Variants in UBASH3B observed in about 807,000 individuals in gnomAD.
The protein encoded by UBASH3B is ubiquitin-associated and SH3 domain-containing protein B.
Under a neutral mutation model 83.4 loss-of-function variants are expected in UBASH3B, and 37 were observed. The ratio of observed to expected loss-of-function variants is 0.44; its 90% CI spans 0.34 to 0.58. The LOEUF is 0.58. UBASH3B is among the 20% of genes least tolerant of loss of function. UBASH3B has a pLI of 0.01. For synonymous variants in UBASH3B, 304 were observed against 318.3 expected (o/e 0.96, Z 0.48); for missense variants, 657 against 827.2 (o/e 0.79, Z 2.52).
Position 122,806,420 on chromosome 11 carries a change from C to G in UBASH3B, c.1606C>G (p.Pro536Ala). Residue 536 changes from proline to alanine, a missense_variant, in exon 12 of 14, where the codon CCA becomes GCA. By Grantham distance (27) the Pro-to-Ala change is conservative. Coordinates refer to ENST00000284273, the MANE Select transcript of UBASH3B (RefSeq NM_032873.5). This position sits in a 1 kb window ranked among gnomAD's most constrained non-coding sequence, Gnocchi z 4.0. Reference protein sequence around the residue: ...SVDTTYRPHIPISKLVVSESY... With the variant: ...SVDTTYRPHIAISKLVVSESY... ...ATTTTTCTATTACAGACCTCACATT[C>G]CAATCAGCAAATTAGTTGTTTCAGA... is the stretch of plus-strand genomic sequence containing the variant. The G allele has an allele frequency of 1.2e-6, 2 of 1,600,894 alleles. No homozygotes were observed. The highest frequency in any genetic ancestry group is 1.7e-6 in the Non-Finnish European group (2 of 1,176,076).
At chr11:122,681,340 T>C (rs1863735706) in intron 1 of UBASH3B, among the ~76,000 whole-genome samples, 1 of 152,226 alleles carries the variant, frequency 6.6e-6, no homozygotes, top group Admixed American at 6.5e-5. Flanking sequence ...TATTTCTTCT[T>C]GTTCTAGCCA....
At chr11:122,712,870 G>A (rs945917206) in intron 1 of UBASH3B, among the ~76,000 whole-genome samples, 1 of 145,012 alleles carries the variant, frequency 6.9e-6, no homozygotes. Flanking sequence ...GAAGCTGACT[G>A]GACATTCATC....
chr11:122,705,327 T>C (rs1864102670), intron 1 of UBASH3B, among the ~76,000 whole-genome samples: 1 of 151,816 alleles, frequency 6.6e-6, no homozygotes, highest in South Asian at 2.1e-4. Context: ...GTGCCTGTAA[T>C]CCCAGCTACT....
intron 1 of UBASH3B, among the ~76,000 whole-genome samples, chr11:122,733,031 A>AGAGCAAGGGTCTCC (rs1159714072): frequency 7.2e-5 from 11 of 152,352 alleles, no homozygotes; most frequent in African/African-American, 2.6e-4. Flanking sequence ...TTGGGATAGC[A>AGAGCAAGGGTCTCC]GAGCAAGGGT....
intron 1 of UBASH3B, among the ~76,000 whole-genome samples, chr11:122,766,475 G>GCGGAGCTTGCAGTGAGC (rs1449124836): frequency 6.6e-6 from 1 of 152,232 alleles, no homozygotes; most frequent in Non-Finnish European, 1.5e-5. Context: ...AACCCGGGAG[G>GCGGAGCTTGCAGTGAGC]CGGAGCTTGC....
chr11:122,710,722 G>A (rs1164162996), intron 1 of UBASH3B, among the ~76,000 whole-genome samples: 1 of 152,100 alleles, frequency 6.6e-6, no homozygotes, highest in African/African-American at 2.4e-5. Flanking sequence ...GGAGAATTGG[G>A]GAGGGGGACG....
Position 122,813,253 on chromosome 11 carries a change from C to T in UBASH3B, c.*3367C>T, listed in dbSNP as rs912841919. On this transcript the variant is annotated 3_prime_UTR_variant, in exon 14 of 14. Transcript: ENST00000284273. ...AAGTGTGTCTTTTCCACTCAACTAG[C>T]TGTATTCGTATTAAAATGAAGTCTC... is the stretch of plus-strand genomic sequence containing the variant. The T allele has an allele frequency of 3.9e-5, 6 of 152,176 alleles. No individual in the cohort carries two copies. Among genetic ancestry groups the T allele is most frequent in the Non-Finnish European group, 7.4e-5 (5 of 68,022 alleles). The allele number at this position is 152,176 out of a possible 1,614,324, so 9.4% of individuals were successfully genotyped here.
In UBASH3B at chr11:122,809,814, T is replaced by C. The variant is rs1164664944; in HGVS notation, c.1878T>C (p.Asp626=). The change falls in exon 14 of 14, where the codon GAT becomes GAC. Residue 626 remains aspartate (D), a synonymous_variant. Transcript: ENST00000284273. ...AAACTGGAATATGGCAGCTGACAGA[T>C]CCACCAATCCTTCCTCTTACCCATG... ...LGETGIWQLT[D]PPILPLTHGP... The C allele has an allele frequency of 6.2e-7, 1 of 1,614,182 alleles. No homozygotes were observed. Among genetic ancestry groups the C allele is most frequent in the Non-Finnish European group, 8.5e-7 (1 of 1,180,010 alleles).
chr11:122,694,365 A>G (rs1333746848), intron 1 of UBASH3B, among the ~76,000 whole-genome samples: 1 of 152,124 alleles, frequency 6.6e-6, no homozygotes, highest in Non-Finnish European at 1.5e-5. Context: ...ATTTTCTTCA[A>G]AAGTTATTTG....
At chr11:122,723,262 T>C (rs895429528) in intron 1 of UBASH3B, among the ~76,000 whole-genome samples, 1 of 152,214 alleles carries the variant, frequency 6.6e-6, no homozygotes, top group African/African-American at 2.4e-5. Flanking sequence ...GTATATAATA[T>C]TTCATTTGTT....
At chr11:122,659,424 A>C (rs1565519648) in intron 1 of UBASH3B, among the ~76,000 whole-genome samples, 1 of 152,108 alleles carries the variant, frequency 6.6e-6, no homozygotes, top group Non-Finnish European at 1.5e-5. Flanking sequence ...AGGTCACCTG[A>C]TCTAGTTGGA....
intron 8 of UBASH3B, among the ~76,000 whole-genome samples, chr11:122,796,504 T>C (rs537265807): frequency 4.3e-4 from 65 of 152,186 alleles, no homozygotes; most frequent in Non-Finnish European, 7.9e-4. Flanking sequence ...ACAGATGTCT[T>C]GCCCCAGGTC....
At chr11:122,790,730 TGAG>T (rs1861038889) in intron 6 of UBASH3B, among the ~76,000 whole-genome samples, 3 of 151,960 alleles carry the variant, frequency 2.0e-5, no homozygotes, top group Admixed American at 1.3e-4. Context: ...GTGGATCACT[TGAG>T]GTCAGGAGTT....
At chr11:122,795,937 G>T (rs1861146783) in intron 7 of UBASH3B, among the ~76,000 whole-genome samples, 1 of 152,174 alleles carries the variant, frequency 6.6e-6, no homozygotes, top group Non-Finnish European at 1.5e-5. Flanking sequence ...CAACAATAAT[G>T]CCCTTTTCAT....
chr11:122,735,403 C>T (rs1860915690), intron 1 of UBASH3B, among the ~76,000 whole-genome samples: 1 of 152,168 alleles, frequency 6.6e-6, no homozygotes, highest in Admixed American at 6.5e-5. Context: ...ACACACTCTT[C>T]TAGTTAAGGA....
chr11:122,790,477 T>C (rs12793647), intron 6 of UBASH3B, among the ~76,000 whole-genome samples: 17,402 of 152,258 alleles, frequency 0.11, 1,331 homozygotes, highest in Middle Eastern at 0.22. Flanking sequence ...GATCAAAATA[T>C]ATAAGCTGGG....
chr11:122,799,130 G>A (rs745790070), intron 10 of UBASH3B, 96 bp downstream of exon 10: 4 of 1,034,254 alleles, frequency 3.9e-6, no homozygotes, highest in African/African-American at 3.2e-5. Context: ...ACATTTGCCA[G>A]TTGAAAGCTT....
intron 1 of UBASH3B, among the ~76,000 whole-genome samples, chr11:122,697,041 C>T (rs1353410758): frequency 1.3e-5 from 2 of 152,116 alleles, no homozygotes; most frequent in Non-Finnish European, 2.9e-5. Flanking sequence ...AAAAGTCAGC[C>T]CAGCTCTTTT....
rs1252628123 is a variant in UBASH3B, at chr11:122,768,502, G to GTA, written c.162-7716_162-7715insAT. 2.4e-4 allele frequency among the ~76,000 whole-genome samples: 33 copies of GTA among 135,102 alleles called. 1 individual carries two copies. Among genetic ancestry groups the GTA allele is most frequent in the Admixed American group, 5.2e-4 (7 of 13,364 alleles). The allele number at this position is 135,102 out of a possible 152,430, so 88.6% of individuals were successfully genotyped here. ...TGTGTGTGTGTGTGTGTGTGTGTGTGTGTGTGTATATATATATATTTGAGA... is the reference window on the plus strand; with the variant it reads ...TGTGTGTGTGTGTGTGTGTGTGTGTGTATGTGTGTATATATATATATTTGAGA... On this transcript the variant is annotated intron_variant, in intron 1 of 13. Transcript: ENST00000284273.
Sources: allele counts gnomAD v4.1 joint callset (sites outside exome capture counted in the v4.1 genomes callset), GRCh38; gene constraint gnomAD v4.1.1; non-coding constraint Gnocchi (gnomAD v3.1); transcripts MANE v1.5; gene names NCBI Gene and HGNC (gene_info 2026-07-23, HGNC 2026-07-21).